STK3: variants seen among roughly 807,000 people sequenced by gnomAD.
The protein encoded by STK3 is serine/threonine kinase 3.
STK3 carries 41 observed loss-of-function variants against 58.0 expected under a neutral mutation model. The observed-to-expected ratio is 0.71, with a 90% CI of 0.55 to 0.92. The LOEUF is 0.92. STK3 is among the 40% of genes least tolerant of loss of function. STK3 has a pLI of 0.00. For synonymous variants in STK3, 170 were observed against 191.0 expected, an observed-to-expected ratio of 0.89 and a Z score of 0.91; for missense variants, 479 against 602.7, an observed-to-expected ratio of 0.79 and a Z score of 2.15.
At position 98,375,255 on chromosome 8, in the gene STK3, C is replaced by CAAAA. The variant is rs1165849010; in HGVS notation, n.112-3581_112-3578dup. Reference sequence around the variant, plus strand: ...GAGTGAGAGAGCAAGAAGCTGTTTCCAAAACAAAAAAAAAACAAAAAAAAA... The same window carrying CAAAA: ...GAGTGAGAGAGCAAGAAGCTGTTTCCAAAAAAAACAAAAAAAAAACAAAAAAAAA... On this transcript the variant is annotated intron_variant and non_coding_transcript_variant, in intron 2 of 2. Transcript: ENST00000518704. 2.8e-3 allele frequency among the ~76,000 whole-genome samples: 127 copies of CAAAA among 46,164 alleles called. 1 individual carries two copies. The highest frequency in any genetic ancestry group is 5.3e-3 in the African/African-American group (88 of 16,640). 30.3% of individuals were successfully genotyped at this position (46,164 alleles called of 152,430 possible).
intron 1 of STK3, among the ~76,000 whole-genome samples, chr8:98,385,104 C>T (rs1178162757): frequency 6.6e-6 from 1 of 151,986 alleles, no homozygotes; most frequent in East Asian, 1.9e-4. Flanking sequence ...ACCCCTTTTC[C>T]CCAGGAGAGA....
chr8:98,764,891 G>C (rs921872202), intron 3 of STK3, among the ~76,000 whole-genome samples: 2 of 152,202 alleles, frequency 1.3e-5, no homozygotes, highest in African/African-American at 4.8e-5. Flanking sequence ...CCACTCTTAG[G>C]AGACTGGATT....
chr8:98,629,780 C>T (rs911335879), intron 6 of STK3, among the ~76,000 whole-genome samples: 18 of 152,170 alleles, frequency 1.2e-4, no homozygotes, highest in Non-Finnish European at 2.5e-4. Flanking sequence ...GACTGCCCCT[C>T]CCAAGGCTAG....
chr8:98,408,047 T>G (rs774219651), intron 3 of STK3, among the ~76,000 whole-genome samples: 2 of 152,184 alleles, frequency 1.3e-5, no homozygotes, highest in African/African-American at 2.4e-5. Context: ...ACGCACTTGA[T>G]GAGACCAGAA....
chr8:98,848,250 T>C (rs1487716469), intron 3 of STK3, among the ~76,000 whole-genome samples: 1 of 151,490 alleles, frequency 6.6e-6, no homozygotes, highest in Non-Finnish European at 1.5e-5. Flanking sequence ...TACTTTTTTT[T>C]TCTTTTTTTT....
Position 98,825,524 on chromosome 8 carries a change from G to A in STK3, c.17C>T (p.Ala6Val), listed in dbSNP as rs1033189718. The change falls in exon 1 of 11, where the codon GCG becomes GTG. Residue 6 changes from alanine to valine, a missense_variant. Physicochemically the swap from Ala to Val is moderately conservative, Grantham distance 64. Transcript: ENST00000419617. ...CTCCCCGATTCGTTACCTCTTAGGC[G>A]CCGGCGGCTGCTCCATGGCGGCCGG... MEQPP[A>V]PKSKLKKLSE... 3.4e-6 allele frequency: 5 copies of A among 1,455,898 alleles called. No homozygotes were observed. Among genetic ancestry groups the A allele is most frequent in the South Asian group, 1.3e-5 (1 of 77,056 alleles). 90.2% of individuals were successfully genotyped at this position (1,455,898 alleles called of 1,614,324 possible).
In STK3 at chr8:98,941,412, A is replaced by G. The variant is rs543992197; in HGVS notation, c.-79+966T>C. On this transcript the variant is annotated intron_variant, in intron 1 of 1. Transcript: ENST00000519420. ...AACGGCCAACAGTGCGGGAAGTTCA[A>G]ATGCAAAAGGTCCCCGCCCCGCAGA... Among the ~76,000 whole-genome samples the G allele has an allele frequency of 8.5e-5, 13 of 152,252 alleles. No homozygotes were observed. In the South Asian group the frequency reaches 2.7e-3, roughly 32 times the overall value.
At chr8:98,689,031 G>T (rs1266715730) in intron 6 of STK3, among the ~76,000 whole-genome samples, 1 of 152,120 alleles carries the variant, frequency 6.6e-6, no homozygotes, top group East Asian at 1.9e-4. Context: ...AAAAAGGAAA[G>T]AGAGAAGATC....
intron 6 of STK3, among the ~76,000 whole-genome samples, chr8:98,628,078 T>C (rs1818871262): frequency 6.6e-6 from 1 of 152,228 alleles, no homozygotes; most frequent in Non-Finnish European, 1.5e-5. Flanking sequence ...GTTTCTCCTT[T>C]AATATCTGTT....
downstream of STK3, among the ~76,000 whole-genome samples, chr8:98,451,605 T>C (rs1427640746): frequency 6.6e-6 from 1 of 152,186 alleles, no homozygotes. Context: ...AAGTAGGAAT[T>C]GTTTTTCCAA....
At chr8:98,608,035 C>T (rs1317479037) in intron 6 of STK3, among the ~76,000 whole-genome samples, 1 of 152,052 alleles carries the variant, frequency 6.6e-6, no homozygotes, top group East Asian at 1.9e-4. Flanking sequence ...AAACTCACTA[C>T]TATGGTTTCA....
intron 1 of STK3, among the ~76,000 whole-genome samples, chr8:98,819,458 A>C (rs1834753523): frequency 6.6e-6 from 1 of 152,154 alleles, no homozygotes; most frequent in African/African-American, 2.4e-5. Flanking sequence ...GAGCCAACTG[A>C]CTATTCCCAT....
chr8:98,883,434 C>T (rs1199883626), downstream of STK3: 7 of 491,198 alleles, frequency 1.4e-5, no homozygotes, highest in Admixed American at 9.7e-5. Flanking sequence ...AAAATTTCAT[C>T]GAAACTATCT....
downstream of STK3, among the ~76,000 whole-genome samples, chr8:98,369,903 C>T (rs4642614): frequency 0.46 from 69,184 of 151,446 alleles, 16,173 homozygotes; most frequent in Non-Finnish European, 0.51. Flanking sequence ...TTTCATGGTG[C>T]CTATGGTGTG....
At chr8:98,803,898 A>G (rs1276884134) in intron 1 of STK3, among the ~76,000 whole-genome samples, 1 of 152,200 alleles carries the variant, frequency 6.6e-6, no homozygotes, top group African/African-American at 2.4e-5. Flanking sequence ...CTCCCAATCT[A>G]GTGGGAAAGA....
At chr8:98,768,783 T>C (rs528183653) in intron 2 of STK3, among the ~76,000 whole-genome samples, 11 of 152,364 alleles carry the variant, frequency 7.2e-5, no homozygotes, top group Non-Finnish European at 1.3e-4. Flanking sequence ...AAAACACGTA[T>C]GTGTGAATGA....
At chr8:98,836,336 C>T (rs992016034) in intron 3 of STK3, among the ~76,000 whole-genome samples, 6 of 152,224 alleles carry the variant, frequency 3.9e-5, no homozygotes, top group South Asian at 4.1e-4. Flanking sequence ...CATCTTTCCC[C>T]GTGTCTTCAC....
intron 3 of STK3, chr8:98,427,857 G>T: frequency 1.3e-6 from 1 of 772,826 alleles, no homozygotes; most frequent in Non-Finnish European, 2.0e-6. Flanking sequence ...AGGAGGCCTG[G>T]GCCCGCCAGT....
intron 3 of STK3, among the ~76,000 whole-genome samples, chr8:98,422,068 C>A (rs181920687): frequency 2.6e-4 from 39 of 152,226 alleles, no homozygotes; most frequent in Admixed American, 2.2e-3. Flanking sequence ...TCGCTGGCCT[C>A]CAGGGAGCAC....
Sources: gnomAD v4.1 joint callset for allele counts (sites outside exome capture counted in the v4.1 genomes callset) on GRCh38, gnomAD v4.1.1 for gene constraint, MANE v1.5 for transcripts, NCBI Gene and HGNC (gene_info 2026-07-23, HGNC 2026-07-21) for gene names.